MAGI2: variants seen among roughly 807,000 people sequenced by gnomAD.
MAGI2 encodes the protein membrane associated guanylate kinase, WW and PDZ domain containing 2, also known as membrane-associated guanylate kinase, WW and PDZ domain-containing protein 2.
In MAGI2, 35 loss-of-function variants were observed where a neutral mutation model predicts 133.3. The ratio of observed to expected loss-of-function variants is 0.26; its 90% CI spans 0.20 to 0.35. The LOEUF is 0.35. MAGI2 is among the 10% of genes least tolerant of loss of function. MAGI2 has a pLI of 1.00. For missense variants in MAGI2, 1,636 were observed against 1,863.4 expected, an observed-to-expected ratio of 0.88 and a Z score of 2.25; for synonymous variants, 729 against 710.6, an observed-to-expected ratio of 1.03 and a Z score of -0.41.
intron 9 of MAGI2, among the ~76,000 whole-genome samples, chr7:78,275,028 G>GCCAAATGGCTGC (rs1794928878): frequency 6.6e-6 from 1 of 152,168 alleles, no homozygotes; most frequent in Non-Finnish European, 1.5e-5. Flanking sequence ...TTGGTGTCTG[G>GCCAAATGGCTGC]CCAAATGGCT....
chr7:79,217,555 G>A (rs1585229994), intron 1 of MAGI2, among the ~76,000 whole-genome samples: 1 of 152,070 alleles, frequency 6.6e-6, no homozygotes. Flanking sequence ...AAGAAGTTAA[G>A]TGTCTTATCT....
chr7:78,545,707 T>C (rs969318426), intron 3 of MAGI2, among the ~76,000 whole-genome samples: 1 of 152,194 alleles, frequency 6.6e-6, no homozygotes, highest in African/African-American at 2.4e-5. Flanking sequence ...CATAATGAAA[T>C]ACTCCGGCTA....
chr7:78,472,200 C>G (rs76695934), intron 6 of MAGI2, among the ~76,000 whole-genome samples: 7,843 of 152,106 alleles, frequency 0.052, 263 homozygotes, highest in East Asian at 0.088. Context: ...TATGAATTTG[C>G]TGTCATGTAA....
In MAGI2 at chr7:79,387,145, G is replaced by A. The variant is rs551554940; in HGVS notation, c.301+65875C>T. Reference sequence around the variant, plus strand: ...GTGTGTGTGTTAACATTAACTTAGAGGACATTTGCTTCTGAATTCAGCTCT... The same window carrying A: ...GTGTGTGTGTTAACATTAACTTAGAAGACATTTGCTTCTGAATTCAGCTCT... On this transcript the variant is annotated intron_variant, in intron 1 of 21. Coordinates refer to ENST00000354212, the MANE Select transcript of MAGI2 (RefSeq NM_012301.4). Among the ~76,000 whole-genome samples the A allele has an allele frequency of 2.8e-4, 35 of 127,218 alleles. 2 individuals carry two copies. The highest frequency in any genetic ancestry group is 2.6e-3 in the Admixed American group (33 of 12,900). The allele number at this position is 127,218 out of a possible 152,430, so 83.5% of individuals were successfully genotyped here.
chr7:78,440,744 G>T lies in MAGI2; in HGVS notation c.1045+49017C>A, dbSNP rs565180840. Among the ~76,000 whole-genome samples the T allele has an allele frequency of 4.6e-3, 701 of 152,154 alleles. 6 individuals are homozygous for T. Among genetic ancestry groups the T allele is most frequent in the African/African-American group, 0.016 (659 of 41,506 alleles). Reference sequence around the variant, plus strand: ...GGGAGGGTAGATCACTTGAGGTCAGGAGTTTGAGACCAGCCTGGCCAACAT... The same window carrying T: ...GGGAGGGTAGATCACTTGAGGTCAGTAGTTTGAGACCAGCCTGGCCAACAT... On this transcript the variant is annotated intron_variant, in intron 6 of 21. Coordinates refer to ENST00000354212, the MANE Select transcript of MAGI2 (RefSeq NM_012301.4).
At chr7:79,332,902 C>T (rs1308744604) in intron 1 of MAGI2, among the ~76,000 whole-genome samples, 1 of 152,064 alleles carries the variant, frequency 6.6e-6, no homozygotes, top group Non-Finnish European at 1.5e-5. Flanking sequence ...GATTAATTGT[C>T]TTTCTCAGTG....
intron 12 of MAGI2, among the ~76,000 whole-genome samples, chr7:78,189,822 A>G (rs1030194294): frequency 1.3e-5 from 2 of 152,224 alleles, no homozygotes; most frequent in African/African-American, 4.8e-5. Context: ...CCCTTAGAGT[A>G]AGACTAGCTT....
intron 3 of MAGI2, among the ~76,000 whole-genome samples, chr7:78,525,065 C>A (rs953309180): frequency 6.6e-6 from 1 of 151,834 alleles, no homozygotes; most frequent in African/African-American, 2.4e-5. Context: ...ATAACAGATC[C>A]TGCTAAATTT....
At chr7:79,419,105 C>G (rs1846755031) in intron 1 of MAGI2, among the ~76,000 whole-genome samples, 2 of 152,014 alleles carry the variant, frequency 1.3e-5, no homozygotes, top group Non-Finnish European at 2.9e-5. Context: ...CTTTAGTTGT[C>G]AATGACTTAT....
chr7:78,764,366 T>G (rs1645020821), intron 2 of MAGI2, among the ~76,000 whole-genome samples: 1 of 152,226 alleles, frequency 6.6e-6, no homozygotes, highest in Non-Finnish European at 1.5e-5. Flanking sequence ...TGAATTCCAG[T>G]GTCCAGGAAT....
In MAGI2 at chr7:78,111,810, G is replaced by C. The variant is rs975992712; in HGVS notation, c.3567+13884C>G. 9.9e-5 allele frequency among the ~76,000 whole-genome samples: 15 copies of C among 152,224 alleles called. No homozygotes were observed. The South Asian group carries it at 1.0e-3, about 11-fold the overall frequency. On this transcript the variant is annotated intron_variant, in intron 20 of 21. Coordinates refer to ENST00000354212, the MANE Select transcript of MAGI2 (RefSeq NM_012301.4). ...AGAGTGATGGCTGAGAGACAACCAG[G>C]CATCTGGACGAAATGGTCTTTGGGA...
chr7:78,616,106 T>A (rs896826454), intron 3 of MAGI2: 1 of 152,240 alleles, frequency 6.6e-6, no homozygotes, highest in Non-Finnish European at 1.5e-5. Flanking sequence ...GTGAATTAGC[T>A]AATAAATCCC....
intron 1 of MAGI2, among the ~76,000 whole-genome samples, chr7:79,178,039 A>G (rs1360330158): frequency 6.6e-6 from 1 of 152,050 alleles, no homozygotes; most frequent in East Asian, 1.9e-4. Context: ...CCAGGCTTCC[A>G]TCTATCATAT....
At chr7:78,274,955 G>T (rs765500739) in intron 9 of MAGI2, among the ~76,000 whole-genome samples, 2 of 151,884 alleles carry the variant, frequency 1.3e-5, no homozygotes, top group African/African-American at 2.4e-5. Context: ...GGAGTGAATG[G>T]TTCTGTCTTG....
intron 6 of MAGI2, among the ~76,000 whole-genome samples, chr7:78,470,765 T>A (rs1262355751): frequency 1.3e-5 from 2 of 152,240 alleles, no homozygotes; most frequent in East Asian, 3.9e-4. Context: ...AATTTTGAAA[T>A]GAAAAGAAAA....
intron 2 of MAGI2, among the ~76,000 whole-genome samples, chr7:78,913,923 C>T (rs1373589488): frequency 2.0e-5 from 3 of 152,148 alleles, no homozygotes; most frequent in African/African-American, 7.2e-5. Context: ...CATGCTCCTA[C>T]CCTCCCAATA....
At chr7:79,451,505 A>G (rs975077160) in intron 1 of MAGI2, among the ~76,000 whole-genome samples, 3 of 152,202 alleles carry the variant, frequency 2.0e-5, no homozygotes, top group African/African-American at 7.2e-5. Flanking sequence ...AGTGTTAAAT[A>G]GTATGGAGCT....
intron 1 of MAGI2, among the ~76,000 whole-genome samples, chr7:79,330,256 C>T (rs542378115): frequency 1.4e-4 from 18 of 127,044 alleles, no homozygotes; most frequent in Admixed American, 2.0e-4. Flanking sequence ...TGCAGTGGTG[C>T]GATCTCGGCT....
chr7:79,292,116 T>C (rs1352977429), intron 1 of MAGI2, among the ~76,000 whole-genome samples: 1 of 152,198 alleles, frequency 6.6e-6, no homozygotes, highest in African/African-American at 2.4e-5. Context: ...GCTTCATTTT[T>C]TTACATGTGG....
Sources: gnomAD v4.1 joint callset for allele counts (sites outside exome capture counted in the v4.1 genomes callset) on GRCh38, gnomAD v4.1.1 for gene constraint, MANE v1.5 for transcripts, NCBI Gene and HGNC (gene_info 2026-07-23, HGNC 2026-07-21) for gene names.